The following ABCA13 variants were observed in gnomAD, a reference collection of about 807,000 sequenced individuals.
The protein encoded by ABCA13 is ATP-binding cassette sub-family A member 13.
A neutral mutation model predicts 478.7 loss-of-function variants in ABCA13; 476 were observed. That is an observed-to-expected ratio of 0.99 (90% CI 0.92 to 1.07). ABCA13 has a LOEUF of 1.07. ABCA13 is among the 50% of genes least tolerant of loss of function. The pLI is 0.00. For synonymous variants in ABCA13, 2,252 were observed against 2,158.9 expected (o/e 1.04, Z -1.20); for missense variants, 6,060 against 5,910.6 (o/e 1.03, Z -0.83).
At chr7:48,174,511 A>T (rs1478284645) in intron 1 of ABCA13, among the ~76,000 whole-genome samples, 1 of 152,138 alleles carries the variant, frequency 6.6e-6, no homozygotes, top group Non-Finnish European at 1.5e-5. Flanking sequence ...AATAATGGAT[A>T]AATAGTACCC....
chr7:48,560,461 T>G (rs73111411), intron 55 of ABCA13, among the ~76,000 whole-genome samples: 2,202 of 152,300 alleles, frequency 0.014, 22 homozygotes, highest in Non-Finnish European at 0.022. Context: ...CCTCTTTTAG[T>G]GATATGAAGT....
intron 29 of ABCA13, among the ~76,000 whole-genome samples, chr7:48,342,094 TTGAAAGACTA>T (rs1041550617): frequency 1.9e-4 from 29 of 151,910 alleles, no homozygotes; most frequent in African/African-American, 6.5e-4. Flanking sequence ...TTTAGGTTAT[TTGAAAGACTA>T]TAGCTTAATT....
At position 48,298,399 on chromosome 7, in the gene ABCA13, C is replaced by T; in HGVS notation, c.9233C>T (p.Thr3078Ile). ...ATAAAAGATTTGATGAAGAATATCA[C>T]CAAGTTGACTGAGGAGCTTCGCTCT... ...VKIKDLMKNI[T>I]KLTEELRSSI... is the part of the protein sequence containing the mutation. The change falls in exon 23 of 62, where the codon ACC (threonine) becomes ATC (isoleucine). Residue 3078 changes from threonine to isoleucine, a missense_variant. Around this residue, in one of 3 missense-constraint regions of ABCA13, gnomAD observed 4,423 missense variants for 4,309.1 expected, o/e 1.03. Coordinates refer to ENST00000435803, the MANE Select transcript of ABCA13 (RefSeq NM_152701.5). 1.9e-6 allele frequency: 3 copies of T among 1,611,678 alleles called. No homozygotes were observed. Among genetic ancestry groups the T allele is most frequent in the Non-Finnish European group, 8.5e-7 (1 of 1,178,534 alleles).
intron 26 of ABCA13, among the ~76,000 whole-genome samples, chr7:48,315,620 C>G (rs1802473407): frequency 6.6e-6 from 1 of 152,074 alleles, no homozygotes; most frequent in African/African-American, 2.4e-5. Flanking sequence ...GCTGGGACTA[C>G]AGGTGCCTGC....
intron 3 of ABCA13, among the ~76,000 whole-genome samples, chr7:48,201,090 C>T (rs1181524607): frequency 6.6e-6 from 1 of 152,116 alleles, no homozygotes; most frequent in African/African-American, 2.4e-5. Flanking sequence ...GTTTACAAAG[C>T]TCTTTGTTCT....
intron 15 of ABCA13, among the ~76,000 whole-genome samples, chr7:48,261,368 A>G (rs796533978): frequency 2.0e-5 from 3 of 152,036 alleles, no homozygotes; most frequent in African/African-American, 7.2e-5. Context: ...TAGTCCAAAT[A>G]TTCTGAGATT....
At chr7:48,421,568 T>C (rs1038781073) in intron 41 of ABCA13, among the ~76,000 whole-genome samples, 6 of 152,174 alleles carry the variant, frequency 3.9e-5, no homozygotes, top group Non-Finnish European at 8.8e-5. Flanking sequence ...CTCCCATTCT[T>C]TGAGCATTTT....
chr7:48,474,344 T>C (rs997433164), intron 45 of ABCA13, among the ~76,000 whole-genome samples: 3 of 152,154 alleles, frequency 2.0e-5, no homozygotes, highest in Non-Finnish European at 4.4e-5. Flanking sequence ...ATGATTGTTA[T>C]AGAGAAAGAA....
chr7:48,205,772 T>C (rs1476742204), intron 3 of ABCA13, among the ~76,000 whole-genome samples: 2 of 152,250 alleles, frequency 1.3e-5, no homozygotes, highest in Non-Finnish European at 2.9e-5. Flanking sequence ...TACTTCCTTG[T>C]TACTTTATAT....
intron 8 of ABCA13, among the ~76,000 whole-genome samples, chr7:48,238,366 G>A (rs1584373665): frequency 6.6e-6 from 1 of 152,116 alleles, no homozygotes; most frequent in East Asian, 1.9e-4. Flanking sequence ...CTTAAAGATG[G>A]CATTATAATT....
chr7:48,396,377 C>T (rs192085076), intron 38 of ABCA13, among the ~76,000 whole-genome samples: 79 of 152,228 alleles, frequency 5.2e-4, no homozygotes, highest in African/African-American at 1.5e-3. Context: ...TTGTGCCAGC[C>T]GCTATGGTGG....
intron 19 of ABCA13, among the ~76,000 whole-genome samples, chr7:48,287,106 A>G (rs1186881890): frequency 6.6e-6 from 1 of 152,116 alleles, no homozygotes; most frequent in Non-Finnish European, 1.5e-5. Flanking sequence ...AGCCTGGGAA[A>G]GGTGGGTGTC....
In ABCA13 at chr7:48,273,288, C is replaced by G. The variant is rs1795869039; in HGVS notation, c.3622C>G (p.Leu1208Val). The change falls in exon 17 of 62, where the codon CTC becomes GTC. Residue 1208 changes from leucine (L) to valine (V), a missense_variant. Leu to Val is a conservative substitution (Grantham distance 32). Around this residue, in one of 3 missense-constraint regions of ABCA13, gnomAD observed 4,423 missense variants for 4,309.1 expected, o/e 1.03. Transcript: ENST00000435803. ...GILPTHNVAR[L>V]ILNLFKNVTQ... is the part of the protein sequence containing the mutation. ...ACTTCCCACCCATAATGTTGCTAGA[C>G]TCATATTAAATTTGTTTAAAAATGT... 2 of 1,613,514 alleles carry G rather than the reference C, an allele frequency of 1.2e-6. No individual in the cohort carries two copies. Among genetic ancestry groups the G allele is most frequent in the Admixed American group, 3.3e-5 (2 of 59,950 alleles).
intron 51 of ABCA13, among the ~76,000 whole-genome samples, chr7:48,512,668 TAGAA>T (rs1487216249): frequency 6.6e-6 from 1 of 152,230 alleles, no homozygotes; most frequent in African/African-American, 2.4e-5. Context: ...ATGAAATGGT[TAGAA>T]AGCCTTGAAA....
intron 31 of ABCA13, among the ~76,000 whole-genome samples, chr7:48,356,795 T>C (rs1563112329): frequency 6.6e-6 from 1 of 151,976 alleles, no homozygotes; most frequent in Non-Finnish European, 1.5e-5. Context: ...TATCATAGAA[T>C]AATTTTATGA....
intron 34 of ABCA13, 103 bp from the exon 35 acceptor site, chr7:48,376,338 G>C (rs1813475256): frequency 1.4e-6 from 2 of 1,429,026 alleles, no homozygotes; most frequent in Non-Finnish European, 1.9e-6. Flanking sequence ...TTTTAGTTCT[G>C]TTCAACTTCA....
At chr7:48,294,546 A>C (rs1264617335) in intron 20 of ABCA13, among the ~76,000 whole-genome samples, 2 of 149,498 alleles carry the variant, frequency 1.3e-5, no homozygotes, top group Non-Finnish European at 3.0e-5. Context: ...TCCCGGGTTC[A>C]CGCCATTCTC....
intron 56 of ABCA13, among the ~76,000 whole-genome samples, chr7:48,586,143 C>T (rs1006416298): frequency 1.3e-5 from 2 of 152,130 alleles, no homozygotes; most frequent in Non-Finnish European, 2.9e-5. Flanking sequence ...AAGAAAGAAG[C>T]TGTGAACCGC....
chr7:48,264,550 T>G (rs1251351763), intron 15 of ABCA13, among the ~76,000 whole-genome samples: 1 of 151,846 alleles, frequency 6.6e-6, no homozygotes, highest in Non-Finnish European at 1.5e-5. Context: ...CACCTATCTT[T>G]TCATGGACTT....
Sources: gnomAD v4.1 joint callset for allele counts (sites outside exome capture counted in the v4.1 genomes callset) on GRCh38, gnomAD v4.1.1 for gene constraint, gnomAD v4.1.1 regional missense constraint, MANE v1.5 for transcripts, NCBI Gene and HGNC (gene_info 2026-07-23, HGNC 2026-07-21) for gene names.